Variants in PRDM10 observed in about 807,000 individuals in gnomAD.
PRDM10 encodes the protein PR domain zinc finger protein 10.
In PRDM10, 65 loss-of-function variants were observed where a neutral mutation model predicts 133.1. The observed-to-expected ratio is 0.49, with a 90% CI of 0.40 to 0.60. The LOEUF is 0.60. Ranked by LOEUF, PRDM10 falls within the 20% of genes least tolerant of loss-of-function variation. The pLI is 0.00. For missense variants in PRDM10, 1,137 were observed against 1,507.1 expected, an observed-to-expected ratio of 0.75 and a Z score of 4.07; for synonymous variants, 582 against 580.4, an observed-to-expected ratio of 1.00 and a Z score of -0.04.
At chr11:129,909,289 A>G (rs1950109126) in intron 19 of PRDM10, among the ~76,000 whole-genome samples, 1 of 151,790 alleles carries the variant, frequency 6.6e-6, no homozygotes, top group African/African-American at 2.4e-5. Context: ...GTCTCTACTA[A>G]AAATACAAAA....
At chr11:129,943,920 A>G (rs2135867633) in intron 6 of PRDM10, among the ~76,000 whole-genome samples, 1 of 152,232 alleles carries the variant, frequency 6.6e-6, no homozygotes, top group African/African-American at 2.4e-5. Context: ...TTGAACCTGG[A>G]GGCAGGGGGT....
In PRDM10 at chr11:129,943,473, G is replaced by A. The variant is rs533662132; in HGVS notation, c.763-844C>T. 3.3e-5 allele frequency among the ~76,000 whole-genome samples: 5 copies of A among 152,328 alleles called. No individual in the cohort carries two copies. The South Asian group carries it at 1.0e-3, about 32-fold the overall frequency. On this transcript the variant is annotated intron_variant, in intron 6 of 20. Coordinates refer to ENST00000360871, the MANE Select transcript of PRDM10 (RefSeq NM_199437.2). ...TCTAACACCCAGTACCTCAGACTGTGACTGCATTTGGAGACAGGACTTTTA... is the reference window on the plus strand; with the variant it reads ...TCTAACACCCAGTACCTCAGACTGTAACTGCATTTGGAGACAGGACTTTTA...
chr11:129,911,953 A>T, intron 18 of PRDM10, 132 bp downstream of exon 18: 1 of 1,206,986 alleles, frequency 8.3e-7, no homozygotes, highest in Non-Finnish European at 1.1e-6. Context: ...CAAAGGTAAG[A>T]TCCTTTAATA....
Position 129,907,217 on chromosome 11 carries a change from G to A in PRDM10, c.3164-1476C>T, listed in dbSNP as rs561830763. The stretch of plus-strand genomic sequence containing the variant: ...TCTATAGGAAATGAAAGGAACAGAA[G>A]AGCACATATTCACTGCTTGGTAACA... On this transcript the variant is annotated intron_variant, in intron 19 of 20. Transcript: ENST00000360871. Among the ~76,000 whole-genome samples, 7 of 152,268 alleles carry A rather than the reference G, an allele frequency of 4.6e-5. No individual in the cohort carries two copies. The East Asian group carries it at 1.4e-3, about 29-fold the overall frequency.
At chr11:129,905,784 T>C (rs1490129036) in intron 19 of PRDM10, 43 bp from the exon 20 acceptor site, 38 of 1,544,192 alleles carry the variant, frequency 2.5e-5, no homozygotes, top group Non-Finnish European at 3.4e-5. Context: ...TCTCAGATTT[T>C]AACACAAGTC....
intron 19 of PRDM10, among the ~76,000 whole-genome samples, 197 bp from the exon 20 acceptor site, chr11:129,905,938 G>C (rs1304585124): frequency 6.6e-6 from 1 of 152,218 alleles, no homozygotes; most frequent in Non-Finnish European, 1.5e-5. Flanking sequence ...CCCAGTGTCA[G>C]AGACAATCAG....
At chr11:129,968,393 A>C (rs1169427681) in intron 1 of PRDM10, among the ~76,000 whole-genome samples, 2 of 152,152 alleles carry the variant, frequency 1.3e-5, no homozygotes, top group Admixed American at 6.6e-5. Flanking sequence ...TTATAGGGAG[A>C]CTGATGAGCC....
Position 129,902,209 on chromosome 11 carries a change from T to A in PRDM10, c.*104A>T. The A allele has an allele frequency of 6.9e-7, 1 of 1,441,926 alleles. No homozygotes were observed. Among genetic ancestry groups the A allele is most frequent in the Non-Finnish European group, 9.4e-7 (1 of 1,066,276 alleles). The allele number at this position is 1,441,926 out of a possible 1,614,324, so 89.3% of individuals were successfully genotyped here. ...AGACAAAACTGTGGTTTCCGAACTC[T>A]TGAGTGAATAATAAATCTTACAAAA... On this transcript the variant is annotated 3_prime_UTR_variant, in exon 21 of 21. Transcript: ENST00000360871.
In PRDM10 at chr11:129,918,614, G is replaced by T. The variant is rs1471090236; in HGVS notation, c.2139C>A (p.Ile713=). ...ISRSKTFKPR[I]TSTDYDSFTF... is the part of the protein sequence containing the mutation. ...TGAAGCTGTCGTAGTCTGTGGACGTGATGCGGGGCTTGAACGTCTTGGAGC... is the reference window on the plus strand; with the variant it reads ...TGAAGCTGTCGTAGTCTGTGGACGTTATGCGGGGCTTGAACGTCTTGGAGC... Residue 713 remains isoleucine, a synonymous_variant, in exon 14 of 21, where the codon ATC becomes ATA. Transcript: ENST00000360871. This position sits in a 1 kb window ranked among gnomAD's most constrained non-coding sequence, Gnocchi z 5.3. 9.3e-6 allele frequency: 15 copies of T among 1,614,254 alleles called. No individual in the cohort carries two copies. Among genetic ancestry groups the T allele is most frequent in the Non-Finnish European group, 1.2e-5 (14 of 1,180,046 alleles).
rs1428045872 is a variant in PRDM10, at chr11:129,901,692, C to G, written c.*621G>C. 3.3e-5 allele frequency: 5 copies of G among 152,194 alleles called. No individual in the cohort carries two copies. Among genetic ancestry groups the G allele is most frequent in the Non-Finnish European group, 7.3e-5 (5 of 68,044 alleles). The allele number at this position is 152,194 out of a possible 1,614,324, so 9.4% of individuals were successfully genotyped here. A position where few individuals can be genotyped will look rare whatever the true frequency, so the allele number is the denominator to read the frequency against. On this transcript the variant is annotated 3_prime_UTR_variant, in exon 21 of 21. Coordinates refer to ENST00000360871, the MANE Select transcript of PRDM10 (RefSeq NM_199437.2). ...CAGCATCTGTGGAAAGCACTACCAA[C>G]AGCCCAACAATAGTTTTCTAAAATA...
intron 1 of PRDM10, among the ~76,000 whole-genome samples, chr11:129,994,588 C>T (rs1017490283): frequency 2.0e-5 from 3 of 151,928 alleles, no homozygotes; most frequent in African/African-American, 4.8e-5. Context: ...GCCTTGGCAA[C>T]ACAGTGAGAC....
In PRDM10 at chr11:129,910,057, A is replaced by G. The variant is rs113053466; in HGVS notation, c.3163+419T>C. On this transcript the variant is annotated intron_variant, in intron 19 of 20. Coordinates refer to ENST00000360871, the MANE Select transcript of PRDM10 (RefSeq NM_199437.2). ...TCGGAATCATTCCTGGCAATGTAGT[A>G]AGAGCTTAATGAAAGCTGGTTAACA... is the stretch of plus-strand genomic sequence containing the variant. Among the ~76,000 whole-genome samples, 508 of 152,344 alleles carry G rather than the reference A, an allele frequency of 3.3e-3. 2 individuals are homozygous for G. The highest frequency in any genetic ancestry group is 0.012 in the African/African-American group (484 of 41,572).
At chr11:129,906,094 G>A (rs1453415856) in intron 19 of PRDM10, among the ~76,000 whole-genome samples, 1 of 152,100 alleles carries the variant, frequency 6.6e-6, no homozygotes, top group Non-Finnish European at 1.5e-5. Context: ...TGACACAAAT[G>A]TATCCACACT....
intron 19 of PRDM10, among the ~76,000 whole-genome samples, chr11:129,908,514 G>A (rs1950083218): frequency 4.6e-5 from 7 of 152,144 alleles, no homozygotes; most frequent in Admixed American, 2.6e-4. Context: ...AAATATTTAT[G>A]GATGAGGTGA....
chr11:129,935,507 G>A (rs572270315), intron 8 of PRDM10, among the ~76,000 whole-genome samples: 32 of 151,970 alleles, frequency 2.1e-4, no homozygotes, highest in Admixed American at 6.6e-4. Flanking sequence ...TCACCACACC[G>A]AAAACACATA....
At chr11:129,977,370 G>A (rs7939233) in intron 1 of PRDM10, among the ~76,000 whole-genome samples, 28,799 of 151,220 alleles carry the variant, frequency 0.19, 4,338 homozygotes, top group East Asian at 0.47. Context: ...TGCAATCTCC[G>A]ACTCCCTGGT....
intron 11 of PRDM10, among the ~76,000 whole-genome samples, chr11:129,927,860 C>T (rs76195952): frequency 0.018 from 2,718 of 152,268 alleles, 38 homozygotes; most frequent in Non-Finnish European, 0.027. Context: ...AGCCACAACC[C>T]GTACACATTT....
At position 129,937,526 on chromosome 11, in the gene PRDM10, A is replaced by G; in HGVS notation, c.1039+72T>C. The G allele has an allele frequency of 2.1e-6, 3 of 1,396,456 alleles. No homozygotes were observed. In the Admixed American group the frequency reaches 6.8e-5, roughly 32 times the overall value. The allele number at this position is 1,396,456 out of a possible 1,614,324, so 86.5% of individuals were successfully genotyped here. On this transcript the variant is annotated intron_variant, in intron 8 of 20. Transcript: ENST00000360871. ...TATACTGAGACAAAAAAAAAATTAGAGGTTTCATAAAGATGTGATATATAC... is the reference window on the plus strand; with the variant it reads ...TATACTGAGACAAAAAAAAAATTAGGGGTTTCATAAAGATGTGATATATAC...
At chr11:129,914,450 T>A in intron 17 of PRDM10, 2 of 557,598 alleles carry the variant, frequency 3.6e-6, no homozygotes, top group Non-Finnish European at 6.4e-6. Context: ...CTGTGGCTAC[T>A]GTCCTGCCAC....
Sources: gnomAD v4.1 joint callset for allele counts (sites outside exome capture counted in the v4.1 genomes callset) on GRCh38, gnomAD v4.1.1 for gene constraint, Gnocchi (gnomAD v3.1) non-coding constraint, MANE v1.5 for transcripts, NCBI Gene and HGNC (gene_info 2026-07-23, HGNC 2026-07-21) for gene names.